NPTN: variants seen among roughly 807,000 people sequenced by gnomAD.
NPTN encodes neuroplastin, also known as SDR-1.
Under a neutral mutation model 42.7 loss-of-function variants are expected in NPTN, and 5 were observed. The observed-to-expected ratio is 0.12, with a 90% CI of 0.06 to 0.25. The LOEUF (loss-of-function observed/expected upper bound fraction) is 0.25, where lower values mean the gene tolerates loss of function less well. Among genes scored for constraint, NPTN ranks in the 10% least tolerant of loss-of-function variants. NPTN has a pLI of 1.00. For missense variants in NPTN, 307 were observed against 525.4 expected (o/e 0.58, Z 4.06); for synonymous variants, 180 against 201.9 (o/e 0.89, Z 0.92).
chr15:73,587,382 T>C (rs1896369201), intron 4 of NPTN, 142 bp downstream of exon 4: 1 of 621,294 alleles, frequency 1.6e-6, no homozygotes, highest in Admixed American at 3.0e-5. Context: ...GCAGCCACGA[T>C]CCTGAGCCTG....
intron 3 of NPTN, among the ~76,000 whole-genome samples, chr15:73,588,983 AATATCTATGTACAG>A (rs1284626502): frequency 6.6e-5 from 10 of 152,156 alleles, no homozygotes; most frequent in African/African-American, 2.4e-4. Flanking sequence ...ACACAGAGTG[AATATCTATGTACAG>A]ATTCAGATCA....
intron 1 of NPTN, among the ~76,000 whole-genome samples, chr15:73,627,051 A>G (rs895330746): frequency 1.3e-5 from 2 of 152,172 alleles, no homozygotes; most frequent in African/African-American, 4.8e-5. Flanking sequence ...CCTGGCCAAC[A>G]TGGCGAAACT....
chr15:73,624,021 T>C (rs1049959628), intron 1 of NPTN, among the ~76,000 whole-genome samples: 6 of 152,236 alleles, frequency 3.9e-5, no homozygotes, highest in African/African-American at 1.4e-4. Flanking sequence ...TCATTTACAC[T>C]GCTACCTTGA....
intron 7 of NPTN, 34 bp from the exon 8 acceptor site, chr15:73,562,004 C>T (rs765765563): frequency 5.4e-6 from 8 of 1,485,356 alleles, no homozygotes; most frequent in Non-Finnish European, 7.4e-6. Context: ...ATGAGTTAAA[C>T]TCAGTCAATA....
chr15:73,614,157 C>CA (rs577170874), intron 1 of NPTN, among the ~76,000 whole-genome samples: 2,926 of 69,956 alleles, frequency 0.042, 62 homozygotes, highest in African/African-American at 0.1. Context: ...ACAAAAAATA[C>CA]AAAAAAAAAA....
At position 73,604,040 on chromosome 15, in the gene NPTN, C is replaced by T. The variant is rs190543568; in HGVS notation, c.92-6671G>A. ...GACAAGAAATAAGCATTTGGTATGA[C>T]GGATCTCCCTCAACAAAAACTTTCA... On this transcript the variant is annotated intron_variant, in intron 1 of 8. Coordinates refer to ENST00000345330, the MANE Select transcript of NPTN (RefSeq NM_012428.4). Among the ~76,000 whole-genome samples, 4 of 152,178 alleles carry T rather than the reference C, an allele frequency of 2.6e-5. No individual in the cohort carries two copies. In the East Asian group the frequency reaches 5.8e-4, roughly 22 times the overall value.
chr15:73,589,775 C>G (rs1896497109), intron 3 of NPTN, among the ~76,000 whole-genome samples: 1 of 150,240 alleles, frequency 6.7e-6, no homozygotes, highest in Non-Finnish European at 1.5e-5. Context: ...AGAGCTGTCT[C>G]AAGATATCCA....
At chr15:73,607,445 C>T (rs1026149733) in intron 1 of NPTN, among the ~76,000 whole-genome samples, 6 of 152,136 alleles carry the variant, frequency 3.9e-5, no homozygotes, top group African/African-American at 9.7e-5. Flanking sequence ...CATCATATAT[C>T]GCATGAATAT....
intron 6 of NPTN, chr15:73,563,699 A>C (rs1259614294): frequency 7.6e-6 from 2 of 262,148 alleles, no homozygotes; most frequent in African/African-American, 4.6e-5. Context: ...GATGTGTACC[A>C]TCTGTACATT....
chr15:73,576,617 C>T (rs1170019674), intron 4 of NPTN, among the ~76,000 whole-genome samples: 4 of 152,194 alleles, frequency 2.6e-5, no homozygotes. Flanking sequence ...GTGTGAGCCA[C>T]TGCGCCTGGC....
intron 1 of NPTN, among the ~76,000 whole-genome samples, chr15:73,614,791 TG>T (rs1487654619): frequency 6.6e-6 from 1 of 152,204 alleles, no homozygotes; most frequent in East Asian, 1.9e-4. Flanking sequence ...CATCTTTCTT[TG>T]ATTAGTGGAG....
At chr15:73,624,162 T>C (rs570445031) in intron 1 of NPTN, among the ~76,000 whole-genome samples, 2 of 152,362 alleles carry the variant, frequency 1.3e-5, no homozygotes, top group South Asian at 4.1e-4. Flanking sequence ...GGTTAGAAAG[T>C]ATTCTTATTT....
At chr15:73,582,198 A>G (rs769737251) in intron 4 of NPTN, among the ~76,000 whole-genome samples, 24 of 152,198 alleles carry the variant, frequency 1.6e-4, no homozygotes, top group Non-Finnish European at 3.4e-4. Context: ...AAGAAAATCT[A>G]TCCTTAAAGG....
intron 1 of NPTN, among the ~76,000 whole-genome samples, chr15:73,615,281 G>A (rs546009658): frequency 5.3e-5 from 8 of 151,842 alleles, no homozygotes; most frequent in African/African-American, 1.9e-4. Context: ...AGATTACTGA[G>A]CACATAACTA....
intron 4 of NPTN, among the ~76,000 whole-genome samples, chr15:73,577,002 T>C (rs1180589872): frequency 6.6e-6 from 1 of 152,228 alleles, no homozygotes; most frequent in Non-Finnish European, 1.5e-5. Flanking sequence ...TGAGGTTTTT[T>C]TCTGCAGTTT....
chr15:73,584,764 T>TAAA (rs55815192), intron 4 of NPTN, among the ~76,000 whole-genome samples: 97 of 122,884 alleles, frequency 7.9e-4, no homozygotes, highest in African/African-American at 2.8e-3. Flanking sequence ...TTGTGTCCTT[T>TAAA]AAAAAAAAAA....
At chr15:73,605,667 C>T (rs1363287522) in intron 1 of NPTN, among the ~76,000 whole-genome samples, 2 of 150,358 alleles carry the variant, frequency 1.3e-5, no homozygotes, top group African/African-American at 2.5e-5. Context: ...GGGGAGGTTG[C>T]GGTGAGCTGA....
intron 1 of NPTN, among the ~76,000 whole-genome samples, chr15:73,631,799 A>G (rs1324538788): frequency 1.3e-5 from 2 of 152,214 alleles, no homozygotes; most frequent in African/African-American, 2.4e-5. Context: ...ACAGGTTCAC[A>G]ATCCTAGACT....
chr15:73,579,655 G>A (rs1388536290), intron 4 of NPTN, among the ~76,000 whole-genome samples: 4 of 152,182 alleles, frequency 2.6e-5, no homozygotes, highest in Non-Finnish European at 5.9e-5. Context: ...CTCCTGCCTT[G>A]GTGTGTGGGA....
Sources: allele counts gnomAD v4.1 joint callset (sites outside exome capture counted in the v4.1 genomes callset), GRCh38; gene constraint gnomAD v4.1.1; transcripts MANE v1.5; gene names NCBI Gene and HGNC (gene_info 2026-07-23, HGNC 2026-07-21).